The following CCDC148 variants were observed in gnomAD, a reference collection of about 807,000 sequenced individuals.
CCDC148 encodes coiled-coil domain-containing protein 148.
In CCDC148, 89 loss-of-function variants were observed where a neutral mutation model predicts 85.7. The observed-to-expected ratio is 1.04, with a 90% confidence interval of 0.87 to 1.24. CCDC148 has a LOEUF of 1.24. Among genes scored for constraint, CCDC148 ranks in the 50% most tolerant of loss-of-function variants. CCDC148 has a pLI of 0.00. For missense variants in CCDC148, 692 were observed against 671.7 expected (o/e 1.03, Z -0.33); for synonymous variants, 230 against 213.9 (o/e 1.08, Z -0.66).
intron 1 of CCDC148, among the ~76,000 whole-genome samples, chr2:158,412,075 TG>T: frequency 6.6e-6 from 1 of 152,220 alleles, no homozygotes; most frequent in Admixed American, 6.5e-5. Flanking sequence ...ACAAAGGCTG[TG>T]GGGATCCTTG....
At chr2:158,439,832 C>T (rs1687854220) in intron 1 of CCDC148, among the ~76,000 whole-genome samples, 1 of 152,174 alleles carries the variant, frequency 6.6e-6, no homozygotes, top group Non-Finnish European at 1.5e-5. Flanking sequence ...GATGCCACTA[C>T]ACACACATTA....
At chr2:158,248,638 C>T (rs1347663511) in intron 10 of CCDC148, among the ~76,000 whole-genome samples, 4 of 152,048 alleles carry the variant, frequency 2.6e-5, no homozygotes, top group Admixed American at 1.3e-4. Flanking sequence ...CTGCATGAAG[C>T]TTAGCAAAAT....
intron 1 of CCDC148, among the ~76,000 whole-genome samples, chr2:158,403,023 G>A (rs934362165): frequency 2.0e-5 from 3 of 151,918 alleles, no homozygotes; most frequent in African/African-American, 7.2e-5. Context: ...CTCAAGCTAC[G>A]AAAAGAAACA....
At position 158,228,103 on chromosome 2, in the gene CCDC148, A is replaced by G. The variant is rs190811306; in HGVS notation, c.1252-7390T>C. On this transcript the variant is annotated intron_variant, in intron 10 of 13. Coordinates refer to ENST00000283233, the MANE Select transcript of CCDC148 (RefSeq NM_138803.4). ...CAGAATCTACAATGAACTCCAACAA[A>G]TTTACAAGAAAAAAACAAACAACCC... is the stretch of plus-strand genomic sequence containing the variant. 9.4e-3 allele frequency among the ~76,000 whole-genome samples: 1,435 copies of G among 152,276 alleles called. 24 individuals are homozygous for G. The highest frequency in any genetic ancestry group is 0.033 in the African/African-American group (1,377 of 41,552).
At position 158,338,728 on chromosome 2, in the gene CCDC148, G is replaced by A. The variant is rs1217838152; in HGVS notation, c.762C>T (p.Tyr254=). The A allele has an allele frequency of 6.2e-7, 1 of 1,602,238 alleles. No individual in the cohort carries two copies. The highest frequency in any genetic ancestry group is 1.8e-5 in the Admixed American group (1 of 56,812). The change falls in exon 7 of 14, where the codon TAC becomes TAT. Residue 254 remains tyrosine, a splice_region_variant and synonymous_variant. Coordinates refer to ENST00000283233, the MANE Select transcript of CCDC148 (RefSeq NM_138803.4). ...AGGACTCAGTTTTATCTTATCACCT[G>A]TATATGTCTTCCAACTGCAGATTAA... The part of the protein sequence containing the change: ...QDFNLQLEDI[Y]RNCQLSEEDH...
intron 11 of CCDC148, among the ~76,000 whole-genome samples, 170 bp from the exon 12 acceptor site, chr2:158,179,166 ATTTTTT>A (rs10699879): frequency 4.8e-5 from 4 of 82,804 alleles, no homozygotes; most frequent in Middle Eastern, 0.01. Context: ...ATAAAATGCA[ATTTTTT>A]TTTTTTTTTT....
intron 8 of CCDC148, among the ~76,000 whole-genome samples, chr2:158,310,912 C>T (rs571230973): frequency 1.4e-4 from 19 of 135,200 alleles, no homozygotes; most frequent in South Asian, 1.0e-3. Flanking sequence ...ACATCCCAGA[C>T]GATGGGCGGC....
At chr2:158,296,189 G>T (rs567513312) in intron 9 of CCDC148, among the ~76,000 whole-genome samples, 1 of 152,190 alleles carries the variant, frequency 6.6e-6, no homozygotes, top group East Asian at 1.9e-4. Flanking sequence ...TCTTCCCCAT[G>T]TTTTGTAGTT....
At chr2:158,325,937 C>T (rs1305439562) in intron 7 of CCDC148, among the ~76,000 whole-genome samples, 1 of 152,134 alleles carries the variant, frequency 6.6e-6, no homozygotes, top group East Asian at 1.9e-4. Context: ...TACCCCCCAG[C>T]CCCACAGTTT....
intron 1 of CCDC148, among the ~76,000 whole-genome samples, chr2:158,362,914 T>G (rs13409723): frequency 2.0e-5 from 3 of 151,390 alleles, no homozygotes; most frequent in Admixed American, 6.6e-5. Context: ...CAAAATAGAC[T>G]GCTAGCCAGA....
At chr2:158,404,907 A>C (rs1685935362) in intron 1 of CCDC148, among the ~76,000 whole-genome samples, 1 of 152,164 alleles carries the variant, frequency 6.6e-6, no homozygotes, top group Admixed American at 6.5e-5. Flanking sequence ...CATCCTGTTA[A>C]TTTTGATAAC....
intron 1 of CCDC148, among the ~76,000 whole-genome samples, chr2:158,431,796 G>A (rs372162957): frequency 6.6e-6 from 1 of 152,020 alleles, no homozygotes; most frequent in African/African-American, 2.4e-5. Context: ...AAATTAGCTG[G>A]GTGTGATGGT....
chr2:158,204,987 C>T lies in CCDC148; in HGVS notation c.1370+15608G>A, dbSNP rs1029050955. Among the ~76,000 whole-genome samples the T allele has an allele frequency of 2.0e-5, 3 of 152,120 alleles. No homozygotes were observed. The South Asian group carries it at 6.2e-4, about 32-fold the overall frequency. The stretch of plus-strand genomic sequence containing the variant: ...AGGACTCCAGTGAGAGATTAAAGAG[C>T]TAAGCGGAGTCCAGCCATGGGCATC... On this transcript the variant is annotated intron_variant, in intron 11 of 13. Coordinates refer to ENST00000283233, the MANE Select transcript of CCDC148 (RefSeq NM_138803.4).
intron 1 of CCDC148, chr2:158,393,455 G>C (rs1034395982): frequency 5.3e-5 from 8 of 152,144 alleles, no homozygotes; most frequent in Non-Finnish European, 1.0e-4. Context: ...ATAGCAGGGG[G>C]CTTTCATCAA....
At chr2:158,449,975 C>T (rs1295709806) in intron 1 of CCDC148, among the ~76,000 whole-genome samples, 6 of 147,696 alleles carry the variant, frequency 4.1e-5, no homozygotes, top group Admixed American at 1.4e-4. Context: ...TTTTCTGGCA[C>T]ATATTGTCAT....
At chr2:158,353,170 A>G (rs1424372395) in intron 2 of CCDC148, among the ~76,000 whole-genome samples, 1 of 137,248 alleles carries the variant, frequency 7.3e-6, no homozygotes, top group Non-Finnish European at 1.6e-5. Flanking sequence ...TGCATCAACT[A>G]ACGAGCAAAA....
intron 9 of CCDC148, among the ~76,000 whole-genome samples, chr2:158,279,529 A>T (rs1289840598): frequency 6.6e-6 from 1 of 152,188 alleles, no homozygotes; most frequent in Non-Finnish European, 1.5e-5. Context: ...GGTATCAGTG[A>T]TGGAAGATGA....
chr2:158,280,533 C>T (rs936805752), intron 9 of CCDC148, among the ~76,000 whole-genome samples: 2 of 152,062 alleles, frequency 1.3e-5, no homozygotes, highest in East Asian at 1.9e-4. Flanking sequence ...ACAAAGAAGG[C>T]CAATACATAA....
chr2:158,424,018 T>C (rs1486687838), intron 1 of CCDC148, among the ~76,000 whole-genome samples: 3 of 152,166 alleles, frequency 2.0e-5, no homozygotes, highest in East Asian at 3.9e-4. Flanking sequence ...CACAATGAGA[T>C]ACTATCTCAC....
Sources: allele counts gnomAD v4.1 joint callset (sites outside exome capture counted in the v4.1 genomes callset), GRCh38; gene constraint gnomAD v4.1.1; transcripts MANE v1.5; gene names NCBI Gene and HGNC (gene_info 2026-07-23, HGNC 2026-07-21).